Variants in PDSS2 observed in about 807,000 individuals in gnomAD.
PDSS2 encodes the protein all trans-polyprenyl-diphosphate synthase PDSS2.
In PDSS2, 31 loss-of-function variants were observed where a neutral mutation model predicts 44.5. The ratio of observed to expected loss-of-function variants is 0.70; its 90% CI spans 0.52 to 0.94. PDSS2 has a LOEUF of 0.94. Ranked by LOEUF, PDSS2 falls within the 40% of genes least tolerant of loss-of-function variation. The pLI, the probability that PDSS2 is intolerant of heterozygous loss-of-function variation, is 0.00. For synonymous variants in PDSS2, 157 were observed against 180.3 expected (o/e 0.87, Z 1.03); for missense variants, 452 against 482.2 (o/e 0.94, Z 0.59).
At chr6:107,351,070 T>TA (rs201358307) in intron 1 of PDSS2, among the ~76,000 whole-genome samples, 2,637 of 147,754 alleles carry the variant, frequency 0.018, 57 homozygotes, top group African/African-American at 0.046. Flanking sequence ...ACATTAAAAG[T>TA]AAAAAAAAAA....
At chr6:107,266,538 A>G (rs1775417845) in intron 3 of PDSS2, among the ~76,000 whole-genome samples, 1 of 151,112 alleles carries the variant, frequency 6.6e-6, no homozygotes, top group Non-Finnish European at 1.5e-5. Context: ...AGAAAAAAAC[A>G]TATCATAGCC....
intron 7 of PDSS2, among the ~76,000 whole-genome samples, chr6:107,186,701 C>T (rs1038629293): frequency 2.0e-5 from 3 of 151,938 alleles, no homozygotes; most frequent in Non-Finnish European, 4.4e-5. Flanking sequence ...TGAGTGAGAA[C>T]ATGCGGTGTT....
At chr6:107,297,742 TTTTA>T (rs201099410) in intron 2 of PDSS2, among the ~76,000 whole-genome samples, 2 of 151,378 alleles carry the variant, frequency 1.3e-5, no homozygotes, top group African/African-American at 2.4e-5. Flanking sequence ...GGAAACAAAA[TTTTA>T]TTTATTTATT....
At chr6:107,443,840 T>C (rs1052377898) in intron 1 of PDSS2, among the ~76,000 whole-genome samples, 1 of 152,222 alleles carries the variant, frequency 6.6e-6, no homozygotes, top group Non-Finnish European at 1.5e-5. Flanking sequence ...TCTCCCTCTA[T>C]GTTTCTACAG....
intron 1 of PDSS2, among the ~76,000 whole-genome samples, chr6:107,436,844 C>A (rs948203847): frequency 1.3e-5 from 2 of 152,042 alleles, no homozygotes; most frequent in African/African-American, 4.8e-5. Flanking sequence ...TGAATATGTA[C>A]AGTTATTATT....
chr6:107,376,466 G>T (rs1210073002), intron 1 of PDSS2, among the ~76,000 whole-genome samples: 1 of 152,154 alleles, frequency 6.6e-6, no homozygotes, highest in Non-Finnish European at 1.5e-5. Flanking sequence ...TCTCCTTGAA[G>T]AGGTCCTTCA....
intron 1 of PDSS2, among the ~76,000 whole-genome samples, chr6:107,450,825 G>A (rs1012074604): frequency 2.0e-5 from 3 of 152,148 alleles, no homozygotes; most frequent in Admixed American, 2.0e-4. Context: ...TGTTTAAACT[G>A]ATTGATCAAT....
In PDSS2 at chr6:107,194,052, C is replaced by T. The variant is rs140770891; in HGVS notation, c.1009-198G>A. Among the ~76,000 whole-genome samples, 367 of 152,246 alleles carry T rather than the reference C, an allele frequency of 2.4e-3. 3 individuals carry two copies. Among genetic ancestry groups the T allele is most frequent in the African/African-American group, 8.4e-3 (347 of 41,540 alleles). On this transcript the variant is annotated intron_variant, in intron 6 of 7. Transcript: ENST00000369037. The stretch of plus-strand genomic sequence containing the variant: ...AAAGTTAAACGAACAGATCACTGAG[C>T]ACGCATAGACACTACCTAGATCTGG...
At chr6:107,248,266 C>G (rs1380646636) in intron 3 of PDSS2, among the ~76,000 whole-genome samples, 2 of 151,994 alleles carry the variant, frequency 1.3e-5, no homozygotes, top group Non-Finnish European at 2.9e-5. Flanking sequence ...TCAGGCAACT[C>G]AAAGTGCTGG....
intron 1 of PDSS2, among the ~76,000 whole-genome samples, chr6:107,437,232 A>G (rs1437616322): frequency 1.3e-5 from 2 of 152,174 alleles, no homozygotes; most frequent in Admixed American, 6.6e-5. Flanking sequence ...TTCAAATTAC[A>G]GTTGTGAGGC....
At chr6:107,158,231 G>A (rs1430504956) in intron 7 of PDSS2, among the ~76,000 whole-genome samples, 2 of 150,126 alleles carry the variant, frequency 1.3e-5, no homozygotes, top group Admixed American at 1.3e-4. Flanking sequence ...TGTTGCCCAG[G>A]CTGGAGTGCA....
At chr6:107,403,529 C>T (rs934876680) in intron 1 of PDSS2, among the ~76,000 whole-genome samples, 2 of 152,168 alleles carry the variant, frequency 1.3e-5, no homozygotes, top group Non-Finnish European at 2.9e-5. Context: ...TCTGACCCCA[C>T]ATTTCCCTTC....
intron 3 of PDSS2, among the ~76,000 whole-genome samples, chr6:107,261,272 G>C (rs961580105): frequency 6.6e-6 from 1 of 152,206 alleles, no homozygotes; most frequent in East Asian, 1.9e-4. Context: ...GGTGGGGCTG[G>C]TGGGATGTGT....
intron 4 of PDSS2, among the ~76,000 whole-genome samples, chr6:107,229,400 G>C (rs914915849): frequency 4.6e-5 from 7 of 152,190 alleles, no homozygotes; most frequent in Non-Finnish European, 8.8e-5. Context: ...AGCCAGGCTG[G>C]TCTCAAACTC....
At chr6:107,393,630 G>T (rs1779853090) in intron 1 of PDSS2, among the ~76,000 whole-genome samples, 1 of 152,096 alleles carries the variant, frequency 6.6e-6, no homozygotes, top group Non-Finnish European at 1.5e-5. Flanking sequence ...CTATGGATTT[G>T]TCTATTTCAG....
At chr6:107,410,883 G>T (rs1780471632) in intron 1 of PDSS2, among the ~76,000 whole-genome samples, 1 of 150,700 alleles carries the variant, frequency 6.6e-6, no homozygotes, top group African/African-American at 2.4e-5. Context: ...ATCTACCATG[G>T]GTTATTTTGT....
At chr6:107,429,901 A>AAAAAAATATATATATATATAT (rs1166637352) in intron 1 of PDSS2, among the ~76,000 whole-genome samples, 1 of 31,838 alleles carries the variant, frequency 3.1e-5, no homozygotes. Flanking sequence ...AAAAAAAAAA[A>AAAAAAATATATATATATATAT]ATATATATAT....
intron 6 of PDSS2, chr6:107,197,741 T>A (rs1193267117): frequency 2.2e-6 from 1 of 454,994 alleles, no homozygotes; most frequent in African/African-American, 2.0e-5. Flanking sequence ...ACTGAGCACA[T>A]CTGTCATTTC....
intron 1 of PDSS2, among the ~76,000 whole-genome samples, chr6:107,438,085 A>C (rs1781409745): frequency 6.6e-6 from 1 of 152,228 alleles, no homozygotes; most frequent in African/African-American, 2.4e-5. Flanking sequence ...CCTAACAGGC[A>C]GCAAGGTGGA....
Sources: allele counts gnomAD v4.1 joint callset (sites outside exome capture counted in the v4.1 genomes callset), GRCh38; gene constraint gnomAD v4.1.1; transcripts MANE v1.5; gene names NCBI Gene and HGNC (gene_info 2026-07-23, HGNC 2026-07-21).